RGS7: variants seen among roughly 807,000 people sequenced by gnomAD.
The protein encoded by RGS7 is regulator of G-protein signaling 7.
A neutral mutation model predicts 81.1 loss-of-function variants in RGS7; 27 were observed. The ratio of observed to expected loss-of-function variants is 0.33; its 90% confidence interval spans 0.25 to 0.46. The LOEUF is 0.46. Among genes scored for constraint, RGS7 ranks in the 20% least tolerant of loss-of-function variants. The pLI is 1.00. For missense variants in RGS7, 396 were observed against 607.4 expected, an observed-to-expected ratio of 0.65 and a Z score of 3.66; for synonymous variants, 208 against 207.7, an observed-to-expected ratio of 1.00 and a Z score of -0.01.
At chr1:241,224,084 T>C (rs1407287371) in intron 2 of RGS7, among the ~76,000 whole-genome samples, 1 of 151,212 alleles carries the variant, frequency 6.6e-6, no homozygotes, top group African/African-American at 2.4e-5. Flanking sequence ...ATATACCATA[T>C]ATATATTTCT....
At chr1:240,804,802 T>C (rs1423790460) in intron 15 of RGS7, among the ~76,000 whole-genome samples, 6 of 152,212 alleles carry the variant, frequency 3.9e-5, no homozygotes, top group East Asian at 1.9e-4. Flanking sequence ...TTGGAGACCA[T>C]GGCTGAACCA....
At position 241,242,595 on chromosome 1, in the gene RGS7, T is replaced by C. The variant is rs558241733; in HGVS notation, c.78+113104A>G. 2.0e-5 allele frequency among the ~76,000 whole-genome samples: 3 copies of C among 152,318 alleles called. No homozygotes were observed. The South Asian group carries it at 6.2e-4, about 32-fold the overall frequency. On this transcript the variant is annotated intron_variant, in intron 2 of 18. Transcript: ENST00000440928. The stretch of plus-strand genomic sequence containing the variant: ...TTGTACTGGTTTACATTCCCACCAG[T>C]AGTGTAGAAGGTTTCCCTTTTTACC...
chr1:241,327,141 A>AGAAAGAAAGAAAGAAG (rs1553320905), intron 2 of RGS7, among the ~76,000 whole-genome samples: 1 of 78,692 alleles, frequency 1.3e-5, no homozygotes, highest in East Asian at 4.2e-4. Flanking sequence ...AAAGAAAGAA[A>AGAAAGAAAGAAAGAAG]GAAAGGAAAG....
intron 3 of RGS7, among the ~76,000 whole-genome samples, chr1:241,097,263 G>A (rs993348599): frequency 2.0e-5 from 3 of 151,898 alleles, no homozygotes; most frequent in African/African-American, 7.3e-5. Flanking sequence ...TGAAGCCACA[G>A]ATGTAAAAAG....
intron 3 of RGS7, among the ~76,000 whole-genome samples, chr1:240,984,627 GT>G (rs1685396419): frequency 6.6e-6 from 1 of 152,144 alleles, no homozygotes; most frequent in South Asian, 2.1e-4. Flanking sequence ...TATGTGAATT[GT>G]TTGCATACAT....
chr1:240,812,372 A>G (rs1434507451), intron 13 of RGS7, among the ~76,000 whole-genome samples: 2 of 151,952 alleles, frequency 1.3e-5, no homozygotes, highest in South Asian at 2.1e-4. Flanking sequence ...TCACTTGCCA[A>G]TGTCAGGCAA....
intron 6 of RGS7, among the ~76,000 whole-genome samples, chr1:240,885,986 A>G (rs1193748249): frequency 1.3e-5 from 2 of 152,212 alleles, no homozygotes; most frequent in Non-Finnish European, 2.9e-5. Context: ...ATTCTTTCAT[A>G]GGTAACATTA....
chr1:241,332,134 A>C (rs1037159602), intron 2 of RGS7, among the ~76,000 whole-genome samples: 1 of 152,214 alleles, frequency 6.6e-6, no homozygotes, highest in Non-Finnish European at 1.5e-5. Flanking sequence ...TAATCATGCA[A>C]GGAACAGTAA....
At chr1:241,189,740 A>G (rs1237776734) in intron 2 of RGS7, among the ~76,000 whole-genome samples, 4 of 152,188 alleles carry the variant, frequency 2.6e-5, no homozygotes, top group Non-Finnish European at 4.4e-5. Context: ...ATTTTAGTCT[A>G]TGGACATTTA....
rs71172645 is a variant in RGS7 at position 240,784,013 on chromosome 1, TAAAAAAAA to T, written c.*7-7808_*7-7801del. Among the ~76,000 whole-genome samples, 4 of 83,360 alleles carry T rather than the reference TAAAAAAAA, an allele frequency of 4.8e-5. No homozygotes were observed. In the South Asian group the frequency reaches 1.3e-3, roughly 27 times the overall value. 54.7% of individuals were successfully genotyped at this position (83,360 alleles called of 152,430 possible). ...CAACATGGTGAAACCCTGTCTCTACTAAAAAAAAAAAAAAAAAAAAAAAAATAGCCGAG... is the reference window on the plus strand; with the variant it reads ...CAACATGGTGAAACCCTGTCTCTACTAAAAAAAAAAAAAAAAATAGCCGAG... On this transcript the variant is annotated intron_variant, in intron 18 of 18. Transcript: ENST00000440928.
At chr1:241,134,919 C>G (rs1258214676) in intron 2 of RGS7, among the ~76,000 whole-genome samples, 2 of 151,874 alleles carry the variant, frequency 1.3e-5, no homozygotes, top group Admixed American at 1.3e-4. Flanking sequence ...GACAGCCGGC[C>G]GGAAGACACC....
At chr1:241,025,917 C>T (rs1347119180) in intron 3 of RGS7, among the ~76,000 whole-genome samples, 2 of 152,160 alleles carry the variant, frequency 1.3e-5, no homozygotes, top group African/African-American at 4.8e-5. Context: ...TATATTCCCT[C>T]AGGTGAAATA....
rs1489596727 is a variant in RGS7, at chr1:240,868,100, A to C, written c.609+487T>G. Among the ~76,000 whole-genome samples the C allele has an allele frequency of 2.8e-5, 4 of 144,218 alleles. No homozygotes were observed. The highest frequency in any genetic ancestry group is 4.3e-4 in the South Asian group (2 of 4,650). The allele number at this position is 144,218 out of a possible 152,430, so 94.6% of individuals were successfully genotyped here. A position where few individuals can be genotyped will look rare whatever the true frequency, so the allele number is the denominator to read the frequency against. On this transcript the variant is annotated intron_variant, in intron 9 of 18. Transcript: ENST00000440928. This position sits in a 1 kb window ranked among gnomAD's most constrained non-coding sequence, Gnocchi z 5.1. ...AAAGAAAGAAAAAGAAAGAAAAGAA[A>C]AAGAAAGAAAAGAAAAGGAAAGAAA...
At chr1:240,872,732 A>G (rs1197216142) in intron 6 of RGS7, among the ~76,000 whole-genome samples, 1 of 152,178 alleles carries the variant, frequency 6.6e-6, no homozygotes, top group African/African-American at 2.4e-5. Context: ...CAATTCAGGA[A>G]ATTTCCCAAT....
chr1:240,797,513 G>A (rs992091268), intron 18 of RGS7, among the ~76,000 whole-genome samples: 2 of 151,986 alleles, frequency 1.3e-5, no homozygotes, highest in Non-Finnish European at 2.9e-5. Flanking sequence ...CACCACGCCC[G>A]GCTAATTTTT....
At chr1:241,071,863 T>C (rs7548812) in intron 3 of RGS7, among the ~76,000 whole-genome samples, 2,891 of 29,402 alleles carry the variant, frequency 0.098, 142 homozygotes, top group African/African-American at 0.32. Context: ...GATGACAGAG[T>C]GAGACCCTGT....
At chr1:241,000,982 T>G (rs748006467) in intron 3 of RGS7, among the ~76,000 whole-genome samples, 1 of 152,062 alleles carries the variant, frequency 6.6e-6, no homozygotes, top group Non-Finnish European at 1.5e-5. Context: ...CTAGCTACAC[T>G]TCAAGTGCTC....
intron 2 of RGS7, among the ~76,000 whole-genome samples, chr1:241,134,996 G>A (rs894735750): frequency 1.3e-5 from 2 of 150,216 alleles, no homozygotes; most frequent in African/African-American, 5.0e-5. Flanking sequence ...GAAGGAGGCC[G>A]TCCGGGTACT....
At chr1:240,847,252 G>T (rs532287239) in intron 9 of RGS7, among the ~76,000 whole-genome samples, 2 of 152,292 alleles carry the variant, frequency 1.3e-5, no homozygotes, top group East Asian at 1.9e-4. Context: ...CTGAACAAGG[G>T]TTGTGTGCCA....
Sources: allele counts gnomAD v4.1 joint callset (sites outside exome capture counted in the v4.1 genomes callset), GRCh38; gene constraint gnomAD v4.1.1; non-coding constraint Gnocchi (gnomAD v3.1); transcripts MANE v1.5; gene names NCBI Gene and HGNC (gene_info 2026-07-23, HGNC 2026-07-21).